Variants in EPN1 observed in about 807,000 individuals in gnomAD.
EPN1 encodes the protein epsin-1.
A neutral mutation model predicts 56.9 loss-of-function variants in EPN1; 25 were observed. The ratio of observed to expected loss-of-function variants is 0.44; its 90% CI spans 0.32 to 0.61. The LOEUF (loss-of-function observed/expected upper bound fraction) is 0.61, where lower values mean the gene tolerates loss of function less well. EPN1 is among the 20% of genes least tolerant of loss of function. The pLI, the probability that EPN1 is intolerant of heterozygous loss-of-function variation, is 0.05. For synonymous variants in EPN1, 411 were observed against 361.8 expected, an observed-to-expected ratio of 1.14 and a Z score of -1.54; for missense variants, 785 against 823.7, an observed-to-expected ratio of 0.95 and a Z score of 0.58.
At chr19:55,677,270 G>A in intron 1 of EPN1, 2 of 1,028,892 alleles carry the variant, frequency 1.9e-6, no homozygotes, top group Non-Finnish European at 3.0e-6. Flanking sequence ...TTTCCACCCT[G>A]TGAGGTGGCT....
chr19:55,677,409 T>A, intron 1 of EPN1: 1 of 659,556 alleles, frequency 1.5e-6, no homozygotes, highest in South Asian at 1.9e-5. Context: ...GACTCTCTTG[T>A]TTCTCGTCAC....
rs748957707 is a variant in EPN1 at position 55,689,989 on chromosome 19, G to A, written c.762+39G>A. ...GTTCTGCCCTCCCTGGCCCCTGCAG[G>A]TGTCCGTCCGTCCCATCGCTCATTC... On this transcript the variant is annotated intron_variant, in intron 6 of 10. Coordinates refer to ENST00000270460, the MANE Select transcript of EPN1 (RefSeq NM_001130072.2). This position sits in a 1 kb window ranked among gnomAD's most constrained non-coding sequence, Gnocchi z 5.7. 9.8e-6 allele frequency: 15 copies of A among 1,535,918 alleles called. No individual in the cohort carries two copies. The Admixed American group carries it at 2.1e-4, about 22-fold the overall frequency.
At chr19:55,682,940 A>G (rs532140496) in intron 2 of EPN1, among the ~76,000 whole-genome samples, 2 of 151,668 alleles carry the variant, frequency 1.3e-5, no homozygotes, top group African/African-American at 2.4e-5. Context: ...TATTTTTAGT[A>G]GAGATGGGGT....
chr19:55,675,881 G>A (rs1335842788), intron 1 of EPN1, among the ~76,000 whole-genome samples: 2 of 152,018 alleles, frequency 1.3e-5, no homozygotes, highest in Non-Finnish European at 2.9e-5. Flanking sequence ...CTTCGCATCT[G>A]AGTTTTGCCC....
Position 55,699,324 on chromosome 19 carries a change from C to G in EPN1, c.*3968C>G, listed in dbSNP as rs190645824. 7 of 152,356 alleles carry G rather than the reference C, an allele frequency of 4.6e-5. No individual in the cohort carries two copies. The highest frequency in any genetic ancestry group is 3.4e-3 in the Middle Eastern group (1 of 292). The allele number at this position is 152,356 out of a possible 1,614,324, so 9.4% of individuals were successfully genotyped here. A position where few individuals can be genotyped will look rare whatever the true frequency, so the allele number is the denominator to read the frequency against. ...TTCTTGCAGCCGCAGGCATCTCCCC[C>G]ACACGTGCTTCTAGCTTCCCGGGTG... On this transcript the variant is annotated 3_prime_UTR_variant, in exon 11 of 11. Coordinates refer to ENST00000270460, the MANE Select transcript of EPN1 (RefSeq NM_001130072.2).
chr19:55,690,984 C>T (rs570933122), intron 6 of EPN1, among the ~76,000 whole-genome samples: 15 of 152,280 alleles, frequency 9.9e-5, no homozygotes, highest in Admixed American at 8.5e-4. Context: ...CTCAGCTCTT[C>T]TCCCCTTCCC....
chr19:55,689,082 C>G lies in EPN1; in HGVS notation c.603+88C>G. ...CCTCCCAGCCAGGCGTGGGCCTGGC[C>G]CTCACTGTCGCTGCTCCACATGCTG... On this transcript the variant is annotated intron_variant, in intron 4 of 10. Transcript: ENST00000270460. This position sits in a 1 kb window ranked among gnomAD's most constrained non-coding sequence, Gnocchi z 5.7. 1.4e-6 allele frequency: 2 copies of G among 1,449,074 alleles called. No individual in the cohort carries two copies. Among genetic ancestry groups the G allele is most frequent in the Non-Finnish European group, 1.8e-6 (2 of 1,091,432 alleles). 89.8% of individuals were successfully genotyped at this position (1,449,074 alleles called of 1,614,324 possible).
chr19:55,680,586 C>CTGG (rs1350943576), intron 2 of EPN1: 2 of 152,326 alleles, frequency 1.3e-5, no homozygotes, highest in Non-Finnish European at 2.9e-5. Flanking sequence ...GTGCTGCCTG[C>CTGG]TGGACACTGT....
rs534025291 is a variant in EPN1, at chr19:55,706,198, T to C, written c.*10842T>C. 13 of 154,552 alleles carry C rather than the reference T, an allele frequency of 8.4e-5. No homozygotes were observed. The highest frequency in any genetic ancestry group is 2.0e-4 in the East Asian group (1 of 5,084). 9.6% of individuals were successfully genotyped at this position (154,552 alleles called of 1,614,324 possible). ...CCTCTTCCTCCTTTTTCTCCTCCTTTCTTCCTTTATTTTTCTTTCTTCCTT... is the reference window on the plus strand; with the variant it reads ...CCTCTTCCTCCTTTTTCTCCTCCTTCCTTCCTTTATTTTTCTTTCTTCCTT... On this transcript the variant is annotated 3_prime_UTR_variant, in exon 11 of 11. Transcript: ENST00000270460.
Position 55,689,195 on chromosome 19 carries a change from A to G in EPN1, c.604-102A>G. 1 of 1,134,492 alleles carries G rather than the reference A, an allele frequency of 8.8e-7. No homozygotes were observed. The allele number at this position is 1,134,492 out of a possible 1,614,324, so 70.3% of individuals were successfully genotyped here. On this transcript the variant is annotated intron_variant, in intron 4 of 10. Coordinates refer to ENST00000270460, the MANE Select transcript of EPN1 (RefSeq NM_001130072.2). This position sits in a 1 kb window ranked among gnomAD's most constrained non-coding sequence, Gnocchi z 5.7. ...CTGCCTGTCCCTCACTGGTTCAGGG[A>G]CCCCCAGCCCTCTCTTTCTTCGGCT...
rs1295920444 is a variant in EPN1, at chr19:55,707,934, C to G, written c.*12578C>G. 1 of 152,798 alleles carries G rather than the reference C, an allele frequency of 6.5e-6. No individual in the cohort carries two copies. The highest frequency in any genetic ancestry group is 2.4e-5 in the African/African-American group (1 of 41,492). 9.5% of individuals were successfully genotyped at this position (152,798 alleles called of 1,614,324 possible). ...CTGGAATTACAGGCGTGAGCCACCA[C>G]TCCTGGCCTATGCCAGCATTCTTTA... On this transcript the variant is annotated 3_prime_UTR_variant, in exon 11 of 11. Transcript: ENST00000270460.
Position 55,703,690 on chromosome 19 carries a change from G to A in EPN1, c.*8334G>A, listed in dbSNP as rs1008032930. ...TCTGATGGAACTTTCTGAGATGCCG[G>A]AAATGTTCTCTGTGCTGTACAAAAG... On this transcript the variant is annotated 3_prime_UTR_variant, in exon 11 of 11. Transcript: ENST00000270460. 1 of 152,254 alleles carries A rather than the reference G, an allele frequency of 6.6e-6. No individual in the cohort carries two copies. The highest frequency in any genetic ancestry group is 1.5e-5 in the Non-Finnish European group (1 of 68,058). The allele number at this position is 152,254 out of a possible 1,614,324, so 9.4% of individuals were successfully genotyped here. A position where few individuals can be genotyped will look rare whatever the true frequency, so the allele number is the denominator to read the frequency against.
chr19:55,689,540 CAG>C lies in EPN1; in HGVS notation c.678+172_678+173del, dbSNP rs1986397510. Among the ~76,000 whole-genome samples, 1 of 152,214 alleles carries C rather than the reference CAG, an allele frequency of 6.6e-6. No homozygotes were observed. Among genetic ancestry groups the C allele is most frequent in the Non-Finnish European group, 1.5e-5 (1 of 68,050 alleles). ...GTAGGATGTAGGACCACAAGTCAGA[CAG>C]AGCCTGGGTGGTGGCCAGCACAGCT... On this transcript the variant is annotated intron_variant, in intron 5 of 10. Transcript: ENST00000270460. The surrounding 1 kb of genome is among the most constrained non-coding windows in gnomAD (Gnocchi z 5.7).
At chr19:55,685,971 G>A (rs1010233136) in intron 3 of EPN1, among the ~76,000 whole-genome samples, 4 of 152,180 alleles carry the variant, frequency 2.6e-5, no homozygotes, top group African/African-American at 9.7e-5. Context: ...GAGGGGACAC[G>A]CACAGTGACC....
intron 1 of EPN1, chr19:55,677,593 C>G (rs1245880892): frequency 6.4e-7 from 1 of 1,551,178 alleles, no homozygotes; most frequent in East Asian, 2.4e-5. Context: ...TAATGTCCCT[C>G]TTGTGCTGAG....
rs1600107048 is a variant in EPN1, at chr19:55,691,557, G to A, written c.763-197G>A. On this transcript the variant is annotated intron_variant, in intron 6 of 10. Transcript: ENST00000270460. The surrounding 1 kb of genome is among the most constrained non-coding windows in gnomAD (Gnocchi z 5.6). ...CCCTCGGGTGGGGTAGGTGGGCAGGGGTGGGCCGACCCCATGACGGATGAG... is the reference window on the plus strand; with the variant it reads ...CCCTCGGGTGGGGTAGGTGGGCAGGAGTGGGCCGACCCCATGACGGATGAG... Among the ~76,000 whole-genome samples the A allele has an allele frequency of 6.6e-6, 1 of 151,998 alleles. No individual in the cohort carries two copies. The highest frequency in any genetic ancestry group is 1.9e-4 in the East Asian group (1 of 5,158).
chr19:55,704,738 A>C lies in EPN1; in HGVS notation c.*9382A>C, dbSNP rs1015014079. 2 of 152,710 alleles carry C rather than the reference A, an allele frequency of 1.3e-5. No individual in the cohort carries two copies. The highest frequency in any genetic ancestry group is 2.9e-5 in the Non-Finnish European group (2 of 68,438). The allele number at this position is 152,710 out of a possible 1,614,324, so 9.5% of individuals were successfully genotyped here. On this transcript the variant is annotated 3_prime_UTR_variant, in exon 11 of 11. Coordinates refer to ENST00000270460, the MANE Select transcript of EPN1 (RefSeq NM_001130072.2). Reference sequence around the variant, plus strand: ...TCCCGAGTCCCTGGAGGGTCCTGCCACCTACATCTCTCTCCTTGGCCTGCC... The same window carrying C: ...TCCCGAGTCCCTGGAGGGTCCTGCCCCCTACATCTCTCTCCTTGGCCTGCC...
Position 55,706,283 on chromosome 19 carries a change from C to CTTTTTTT in EPN1, c.*10937_*10943dup, listed in dbSNP as rs933101353. On this transcript the variant is annotated 3_prime_UTR_variant, in exon 11 of 11. Transcript: ENST00000270460. ...CTTCCTTTCTTCTCTTTTTCTTCTT[C>CTTTTTTT]TTTTTTTTTTTTTTTTAAAAGACCG... 27 of 118,444 alleles carry CTTTTTTT rather than the reference C, an allele frequency of 2.3e-4. No individual in the cohort carries two copies. Among genetic ancestry groups the CTTTTTTT allele is most frequent in the African/African-American group, 3.9e-4 (12 of 30,418 alleles). 7.3% of individuals were successfully genotyped at this position (118,444 alleles called of 1,614,324 possible).
rs1278066353 is a variant in EPN1 at position 55,702,699 on chromosome 19, TTC to T, written c.*7345_*7346del. Reference sequence around the variant, plus strand: ...TCTTCGCCCTATCTACCTAAATGATTTCTGTTTCTTACATCAATTGGGTATTG... The same window carrying T: ...TCTTCGCCCTATCTACCTAAATGATTTGTTTCTTACATCAATTGGGTATTG... On this transcript the variant is annotated 3_prime_UTR_variant, in exon 11 of 11. Coordinates refer to ENST00000270460, the MANE Select transcript of EPN1 (RefSeq NM_001130072.2). 4 of 152,328 alleles carry T rather than the reference TTC, an allele frequency of 2.6e-5. No individual in the cohort carries two copies. Among genetic ancestry groups the T allele is most frequent in the African/African-American group, 4.8e-5 (2 of 41,564 alleles). 9.4% of individuals were successfully genotyped at this position (152,328 alleles called of 1,614,324 possible).
Sources: allele counts gnomAD v4.1 joint callset (sites outside exome capture counted in the v4.1 genomes callset), GRCh38; gene constraint gnomAD v4.1.1; non-coding constraint Gnocchi (gnomAD v3.1); transcripts MANE v1.5; gene names NCBI Gene and HGNC (gene_info 2026-07-23, HGNC 2026-07-21).